ST18: variants seen among roughly 807,000 people sequenced by gnomAD.
ST18 encodes the protein ST18 C2H2C-type zinc finger transcription factor.
Under a neutral mutation model 110.0 loss-of-function variants are expected in ST18, and 50 were observed. The ratio of observed to expected loss-of-function variants is 0.45; its 90% CI spans 0.36 to 0.58. The LOEUF (loss-of-function observed/expected upper bound fraction) is 0.58, where lower values mean the gene tolerates loss of function less well. ST18 is among the 20% of genes least tolerant of loss of function. The probability of loss-of-function intolerance (pLI) is 0.00; values close to 1 mark genes in which losing one functional copy is unlikely to be tolerated. For synonymous variants in ST18, 461 were observed against 452.4 expected (o/e 1.02, Z -0.24); for missense variants, 1,306 against 1,280.1 (o/e 1.02, Z -0.31).
At chr8:52,242,812 C>T (rs1236767821) in intron 2 of ST18, among the ~76,000 whole-genome samples, 1 of 150,818 alleles carries the variant, frequency 6.6e-6, no homozygotes. Flanking sequence ...GCAGACGTTG[C>T]AGTGAGCCAA....
At chr8:52,272,429 C>A (rs1160468016) in intron 2 of ST18, among the ~76,000 whole-genome samples, 1 of 141,958 alleles carries the variant, frequency 7.0e-6, no homozygotes, top group African/African-American at 3.1e-5. Context: ...ATGCAAATGG[C>A]CAACAGGTAT....
chr8:52,179,334 A>G (rs777569830), intron 9 of ST18, among the ~76,000 whole-genome samples: 3 of 152,244 alleles, frequency 2.0e-5, no homozygotes, highest in Non-Finnish European at 4.4e-5. Flanking sequence ...AAACGTAACT[A>G]CTTTTCACTT....
chr8:52,262,695 T>C (rs1176427621), intron 2 of ST18, among the ~76,000 whole-genome samples: 3 of 152,232 alleles, frequency 2.0e-5, no homozygotes, highest in Non-Finnish European at 4.4e-5. Flanking sequence ...TGTAAGAGTC[T>C]TTTTCACCTG....
intron 8 of ST18, among the ~76,000 whole-genome samples, chr8:52,202,449 A>G (rs1437770194): frequency 6.6e-6 from 1 of 152,028 alleles, no homozygotes. Flanking sequence ...TCCTTTTTTT[A>G]TTGTCTCCCC....
intron 5 of ST18, among the ~76,000 whole-genome samples, chr8:52,218,700 G>A (rs1020871851): frequency 1.3e-5 from 2 of 151,686 alleles, no homozygotes; most frequent in Non-Finnish European, 2.9e-5. Flanking sequence ...GCACCCGGCT[G>A]CCGCTCTTAA....
At chr8:52,223,643 CA>C (rs200869357) in intron 3 of ST18, among the ~76,000 whole-genome samples, 18,249 of 115,424 alleles carry the variant, frequency 0.16, 1,273 homozygotes, top group Middle Eastern at 0.29. Context: ...GACTCTGTCT[CA>C]AAAAAAAAAA....
chr8:52,168,656 G>A (rs909519256), intron 10 of ST18, among the ~76,000 whole-genome samples: 8 of 152,120 alleles, frequency 5.3e-5, no homozygotes, highest in African/African-American at 1.2e-4. Context: ...ATGGGGCTGC[G>A]GCCAGCAGCA....
intron 2 of ST18, among the ~76,000 whole-genome samples, chr8:52,350,866 G>A (rs1389184743): frequency 2.0e-5 from 3 of 151,930 alleles, no homozygotes; most frequent in African/African-American, 4.8e-5. Context: ...GACTACAGGC[G>A]TGTGCCACCA....
chr8:52,132,881 T>A (rs2050266336), intron 21 of ST18, among the ~76,000 whole-genome samples, 176 bp downstream of exon 21: 2 of 152,168 alleles, frequency 1.3e-5, no homozygotes. Context: ...GCTGTGGAAG[T>A]GTAGATATAA....
intron 17 of ST18, among the ~76,000 whole-genome samples, chr8:52,139,928 T>C (rs1276928809): frequency 1.3e-5 from 2 of 152,320 alleles, no homozygotes; most frequent in Non-Finnish European, 2.9e-5. Context: ...TAATGACATG[T>C]GCCAATATTA....
rs748933981 is a variant in ST18, at chr8:52,367,236, TCA to T, written c.-465+42090_-465+42091del. 2.6e-3 allele frequency among the ~76,000 whole-genome samples: 307 copies of T among 120,270 alleles called. 4 individuals carry two copies. The highest frequency in any genetic ancestry group is 8.7e-3 in the African/African-American group (283 of 32,646). 78.9% of individuals were successfully genotyped at this position (120,270 alleles called of 152,430 possible). On this transcript the variant is annotated intron_variant, in intron 2 of 25. Coordinates refer to ENST00000689386, the MANE Select transcript of ST18 (RefSeq NM_001352837.2). ...CTGGGTGACAGAGCGGGACCCTGTCTCACACACACACACACACACACACACAC... is the reference window on the plus strand; with the variant it reads ...CTGGGTGACAGAGCGGGACCCTGTCTCACACACACACACACACACACACAC...
At chr8:52,184,725 T>C (rs1377319523) in intron 8 of ST18, among the ~76,000 whole-genome samples, 1 of 152,188 alleles carries the variant, frequency 6.6e-6, no homozygotes, top group Non-Finnish European at 1.5e-5. Flanking sequence ...TTATGTAACA[T>C]AGTTTTAAAA....
intron 2 of ST18, among the ~76,000 whole-genome samples, chr8:52,247,242 A>T (rs1329124178): frequency 6.6e-6 from 1 of 152,208 alleles, no homozygotes; most frequent in Admixed American, 6.5e-5. Context: ...AAATTTCTTT[A>T]AAGAAGAAAG....
intron 16 of ST18, among the ~76,000 whole-genome samples, chr8:52,146,501 C>G (rs949664595): frequency 3.3e-5 from 5 of 151,212 alleles, no homozygotes; most frequent in Admixed American, 6.6e-5. Flanking sequence ...TAGGGAATTC[C>G]AGGCCTATTA....
intron 6 of ST18, among the ~76,000 whole-genome samples, chr8:52,217,307 T>G (rs2136213521): frequency 6.6e-6 from 1 of 152,322 alleles, no homozygotes; most frequent in African/African-American, 2.4e-5. Context: ...GCTTTGAGAA[T>G]GTACTTCTCG....
chr8:52,179,993 C>G (rs7823894), intron 9 of ST18, 129 bp downstream of exon 9: 125,105 of 1,018,150 alleles, frequency 0.12, 14,969 homozygotes, highest in African/African-American at 0.56. Flanking sequence ...ATAAATGTTT[C>G]ATTTTGCTTC....
rs369578027 is a variant in ST18 at position 52,291,937 on chromosome 8, G to C, written c.-464-61860C>G. Among the ~76,000 whole-genome samples, 17 of 151,930 alleles carry C rather than the reference G, an allele frequency of 1.1e-4. No individual in the cohort carries two copies. The East Asian group carries it at 1.4e-3, about 12-fold the overall frequency. On this transcript the variant is annotated intron_variant, in intron 2 of 25. Coordinates refer to ENST00000689386, the MANE Select transcript of ST18 (RefSeq NM_001352837.2). ...ACCACAGGCGCGTGCCATCACACCC[G>C]GCTAATTTTTATATTTTTGTACAGA...
chr8:52,218,221 C>CTA (rs1191304370), intron 5 of ST18, among the ~76,000 whole-genome samples: 9 of 151,648 alleles, frequency 5.9e-5, no homozygotes, highest in African/African-American at 1.9e-4. Context: ...ACCTCTCTCT[C>CTA]TATATATAAT....
At chr8:52,192,130 T>C (rs1017420145) in intron 8 of ST18, among the ~76,000 whole-genome samples, 1 of 152,124 alleles carries the variant, frequency 6.6e-6, no homozygotes, top group Non-Finnish European at 1.5e-5. Flanking sequence ...CCCAACAGCA[T>C]AGGCTCTCAC....
Sources: allele counts gnomAD v4.1 joint callset (sites outside exome capture counted in the v4.1 genomes callset), GRCh38; gene constraint gnomAD v4.1.1; transcripts MANE v1.5; gene names NCBI Gene and HGNC (gene_info 2026-07-23, HGNC 2026-07-21).